Variants in NSD3 observed in about 807,000 individuals in gnomAD.
The protein encoded by NSD3 is histone-lysine N-methyltransferase NSD3.
A neutral mutation model predicts 160.8 loss-of-function variants in NSD3; 24 were observed. The ratio of observed to expected loss-of-function variants is 0.15; its 90% CI spans 0.11 to 0.21. The LOEUF is 0.21. NSD3 is among the 10% of genes least tolerant of loss of function. The probability of loss-of-function intolerance (pLI) is 1.00; values close to 1 mark genes in which losing one functional copy is unlikely to be tolerated. For synonymous variants in NSD3, 520 were observed against 600.0 expected (o/e 0.87, Z 1.95); for missense variants, 1,157 against 1,735.9 (o/e 0.67, Z 5.93).
In NSD3 at chr8:38,365,742, G is replaced by A. The variant is rs531205229; in HGVS notation, c.-45+16057C>T. Among the ~76,000 whole-genome samples, 9 of 152,050 alleles carry A rather than the reference G, an allele frequency of 5.9e-5. No individual in the cohort carries two copies. The East Asian group carries it at 1.5e-3, about 26-fold the overall frequency. On this transcript the variant is annotated intron_variant, in intron 1 of 23. Transcript: ENST00000317025. The stretch of plus-strand genomic sequence containing the variant: ...ATTACAGGTGTGAGCCACCGCACCC[G>A]GCTTAGATTCTTATTAAAAAACTAA...
At chr8:38,372,371 C>A (rs1475342750) in intron 1 of NSD3, among the ~76,000 whole-genome samples, 1 of 151,970 alleles carries the variant, frequency 6.6e-6, no homozygotes, top group Non-Finnish European at 1.5e-5. Flanking sequence ...TAAACACTGA[C>A]AATAAATGTT....
Position 38,329,573 on chromosome 8 carries a change from CTCT to C in NSD3, c.1383_1385del (p.Glu462del). On this transcript the variant is annotated inframe_deletion, in exon 6 of 24. Transcript: ENST00000317025. This position sits in a 1 kb window ranked among gnomAD's most constrained non-coding sequence, Gnocchi z 4.8. ...TCCAGGCTATTTTAACAGGCGGTGG[CTCT>C]TCCTCTTCCGCACTTGTGTGCCGCC... 6.2e-7 allele frequency: 1 copy of C among 1,614,232 alleles called. No individual in the cohort carries two copies. Among genetic ancestry groups the C allele is most frequent in the Non-Finnish European group, 8.5e-7 (1 of 1,180,042 alleles).
In NSD3 at chr8:38,317,145, T is replaced by G; in HGVS notation, c.1856-1103A>C. On this transcript the variant is annotated intron_variant, in intron 9 of 23. Transcript: ENST00000317025. The surrounding 1 kb of genome is among the most constrained non-coding windows in gnomAD (Gnocchi z 5.3). ...AGATCCGCAACAGGCTGAGTGAGAG[T>G]AGCACTTGGAACATAGCCACGTTCT... The G allele has an allele frequency of 9.4e-7, 1 of 1,062,856 alleles. No homozygotes were observed. Among genetic ancestry groups the G allele is most frequent in the Non-Finnish European group, 1.1e-6 (1 of 877,700 alleles). The allele number at this position is 1,062,856 out of a possible 1,614,324, so 65.8% of individuals were successfully genotyped here. A position where few individuals can be genotyped will look rare whatever the true frequency, so the allele number is the denominator to read the frequency against.
chr8:38,357,158 A>G (rs888336015), intron 1 of NSD3, among the ~76,000 whole-genome samples: 15 of 148,144 alleles, frequency 1.0e-4, no homozygotes, highest in South Asian at 4.3e-4. Context: ...CCTTACATTG[A>G]TATCATTATT....
At chr8:38,339,159 A>G (rs932348913) in intron 2 of NSD3, among the ~76,000 whole-genome samples, 3 of 151,912 alleles carry the variant, frequency 2.0e-5, no homozygotes, top group African/African-American at 7.2e-5. Flanking sequence ...AAACAAAAAA[A>G]AAACCCACTT....
intron 6 of NSD3, among the ~76,000 whole-genome samples, chr8:38,327,916 T>C (rs1376645729): frequency 1.3e-5 from 2 of 152,172 alleles, no homozygotes; most frequent in African/African-American, 2.4e-5. Flanking sequence ...ATATGTATTT[T>C]TTTGGCCAGG....
intron 2 of NSD3, among the ~76,000 whole-genome samples, chr8:38,345,700 C>T (rs1031509206): frequency 6.6e-6 from 1 of 150,850 alleles, no homozygotes. Context: ...CACCTGAGGT[C>T]GGGAGTTTGA....
intron 6 of NSD3, among the ~76,000 whole-genome samples, chr8:38,327,351 C>T (rs1809941919): frequency 6.6e-6 from 1 of 151,694 alleles, no homozygotes; most frequent in Non-Finnish European, 1.5e-5. Context: ...CCACCGCACC[C>T]GGCCAAAAAA....
intron 2 of NSD3, among the ~76,000 whole-genome samples, chr8:38,346,200 A>G (rs1339077684): frequency 6.7e-6 from 1 of 149,208 alleles, no homozygotes; most frequent in Non-Finnish European, 1.5e-5. Context: ...ATGTATATAC[A>G]TACCTATGTA....
chr8:38,328,245 T>G (rs2150374816), intron 6 of NSD3, among the ~76,000 whole-genome samples: 1 of 152,302 alleles, frequency 6.6e-6, no homozygotes, highest in South Asian at 2.1e-4. Flanking sequence ...GTCTTCATTT[T>G]GAAAAGATCA....
intron 1 of NSD3, among the ~76,000 whole-genome samples, chr8:38,378,912 C>G (rs1197803106): frequency 6.6e-6 from 1 of 151,562 alleles, no homozygotes; most frequent in East Asian, 1.9e-4. Flanking sequence ...CAGCATAGCA[C>G]AGTGTGAGGA....
At chr8:38,282,304 C>T (rs771795448) in intron 19 of NSD3, among the ~76,000 whole-genome samples, 1 of 152,152 alleles carries the variant, frequency 6.6e-6, no homozygotes, top group Non-Finnish European at 1.5e-5. Context: ...ACAATCACAC[C>T]CCTCCTCCAC....
At chr8:38,311,391 G>A (rs995842744) in intron 12 of NSD3, among the ~76,000 whole-genome samples, 1 of 152,086 alleles carries the variant, frequency 6.6e-6, no homozygotes, top group Non-Finnish European at 1.5e-5. Context: ...GCAATGGAAC[G>A]ATCTCGGCTC....
intron 1 of NSD3, among the ~76,000 whole-genome samples, chr8:38,357,508 T>C (rs1447433848): frequency 6.6e-6 from 1 of 152,188 alleles, no homozygotes; most frequent in African/African-American, 2.4e-5. Flanking sequence ...ATCCATAATA[T>C]ACCCTTTTCC....
chr8:38,278,490 GAA>G, intron 21 of NSD3, 78 bp from the exon 22 acceptor site: 1 of 1,190,546 alleles, frequency 8.4e-7, no homozygotes, highest in Non-Finnish European at 1.2e-6. Flanking sequence ...CTCCCCTAAT[GAA>G]AAAAAGAGAC....
intron 14 of NSD3, chr8:38,303,517 ACTACGATTTATT>A (rs2131008275): frequency 2.3e-6 from 1 of 429,236 alleles, no homozygotes; most frequent in African/African-American, 2.2e-5. Flanking sequence ...TCCACAAAGG[ACTACGATTTATT>A]TAATCTTTTA....
intron 4 of NSD3, among the ~76,000 whole-genome samples, chr8:38,333,519 CT>C (rs1810120781): frequency 6.6e-6 from 1 of 152,222 alleles, no homozygotes; most frequent in Non-Finnish European, 1.5e-5. Flanking sequence ...ATTATTACAT[CT>C]TTATGTGTGA....
At chr8:38,350,559 T>A (rs1411911812) in intron 1 of NSD3, among the ~76,000 whole-genome samples, 2 of 152,198 alleles carry the variant, frequency 1.3e-5, no homozygotes, top group Non-Finnish European at 2.9e-5. Context: ...TATGTTTGAC[T>A]TTTTTGCCAG....
rs1181974162 is a variant in NSD3, at chr8:38,288,711, A to G, written c.3277T>C (p.Ser1093Pro). The stretch of plus-strand genomic sequence containing the variant: ...TTGCAGTTACAGCGGGGAATCTCTG[A>G]CAGGTCAGCAACCTGGATCTGCACC... ...GKVQIQVADL[S>P]EIPRCNCKPA... The change falls in exon 19 of 24, where the codon TCA becomes CCA. Residue 1093 changes from serine to proline, a missense_variant. Physicochemically the swap from Ser to Pro is moderately conservative, Grantham distance 74 (BLOSUM62 -1). Transcript: ENST00000317025. The surrounding 1 kb of genome is among the most constrained non-coding windows in gnomAD (Gnocchi z 4.5). The G allele has an allele frequency of 6.2e-7, 1 of 1,614,232 alleles. No individual in the cohort carries two copies. Among genetic ancestry groups the G allele is most frequent in the Admixed American group, 1.7e-5 (1 of 60,028 alleles).
Sources: allele counts gnomAD v4.1 joint callset (sites outside exome capture counted in the v4.1 genomes callset), GRCh38; gene constraint gnomAD v4.1.1; non-coding constraint Gnocchi (gnomAD v3.1); transcripts MANE v1.5; gene names NCBI Gene and HGNC (gene_info 2026-07-23, HGNC 2026-07-21).